CPS1: variants seen among roughly 807,000 people sequenced by gnomAD.
CPS1 encodes carbamoyl-phosphate synthase 1.
In CPS1, 109 loss-of-function variants were observed where a neutral mutation model predicts 174.6. The observed-to-expected ratio is 0.62, with a 90% CI of 0.53 to 0.73. CPS1 has a LOEUF of 0.73. CPS1 is among the 30% of genes least tolerant of loss of function. The pLI, the probability that CPS1 is intolerant of heterozygous loss-of-function variation, is 0.00. For synonymous variants in CPS1, 637 were observed against 632.0 expected, an observed-to-expected ratio of 1.01 and a Z score of -0.12; for missense variants, 1,689 against 1,821.9, an observed-to-expected ratio of 0.93 and a Z score of 1.33.
chr2:210,552,701 G>A (rs1437348208), upstream of CPS1, among the ~76,000 whole-genome samples: 1 of 151,760 alleles, frequency 6.6e-6, no homozygotes, highest in African/African-American at 2.4e-5. Flanking sequence ...AGAGTGGACT[G>A]TTTGAGAAGT....
intron 21 of CPS1, among the ~76,000 whole-genome samples, chr2:210,624,631 A>G (rs940186707): frequency 6.6e-6 from 1 of 152,140 alleles, no homozygotes; most frequent in Non-Finnish European, 1.5e-5. Context: ...ACTAATTTTT[A>G]AAGTAATAAT....
intron 33 of CPS1, among the ~76,000 whole-genome samples, chr2:210,665,674 C>A (rs1574661538): frequency 6.6e-6 from 1 of 151,604 alleles, no homozygotes; most frequent in Admixed American, 6.6e-5. Context: ...TTTATGGCTG[C>A]ATAGTATTCC....
intron 34 of CPS1, chr2:210,672,621 C>T (rs184121494): frequency 9.0e-4 from 137 of 152,292 alleles, no homozygotes; most frequent in African/African-American, 3.0e-3. Flanking sequence ...CCTGATGTCA[C>T]TAAGAGTTAT....
In CPS1 at chr2:210,485,024, C is replaced by T. The variant is rs187988711; in HGVS notation, c.3+7258C>T. ...TGGGCAGATCATGAGGTCAGGAGAT[C>T]GAGACCATCCTGGCTAACATGGTGA... is the stretch of plus-strand genomic sequence containing the variant. On this transcript the variant is annotated intron_variant, in intron 1 of 38. Transcript: ENST00000430249. 1.4e-3 allele frequency among the ~76,000 whole-genome samples: 212 copies of T among 151,590 alleles called. 1 individual carries two copies. Among genetic ancestry groups the T allele is most frequent in the African/African-American group, 4.9e-3 (202 of 41,314 alleles).
At chr2:210,528,931 A>G (rs1409775063) in intron 1 of CPS1, among the ~76,000 whole-genome samples, 1 of 151,168 alleles carries the variant, frequency 6.6e-6, no homozygotes, top group African/African-American at 2.4e-5. Flanking sequence ...CTTTTACAGC[A>G]TGAGTTATTG....
intron 21 of CPS1, among the ~76,000 whole-genome samples, chr2:210,627,363 T>C (rs1433653512): frequency 1.3e-5 from 2 of 152,234 alleles, no homozygotes; most frequent in East Asian, 3.8e-4. Flanking sequence ...AGGTATCTTT[T>C]CTTTAAAGTA....
intron 1 of CPS1, among the ~76,000 whole-genome samples, chr2:210,529,755 A>T (rs1045407544): frequency 6.6e-6 from 1 of 151,996 alleles, no homozygotes; most frequent in African/African-American, 2.4e-5. Context: ...CTTATTGTGG[A>T]GATGGATGAG....
chr2:210,668,092 G>A (rs545046913), intron 33 of CPS1, 94 bp from the exon 34 acceptor site: 1 of 753,556 alleles, frequency 1.3e-6, no homozygotes, highest in Non-Finnish European at 2.3e-6. Flanking sequence ...GTGTGTGTGT[G>A]TGTGTGTGTG....
intron 20 of CPS1, among the ~76,000 whole-genome samples, chr2:210,614,912 A>C (rs1328031380): frequency 6.6e-6 from 1 of 151,898 alleles, no homozygotes; most frequent in Non-Finnish European, 1.5e-5. Context: ...GATGCATAGC[A>C]CTAGGAGAAA....
chr2:210,569,129 G>A (rs1697397285), intron 1 of CPS1, among the ~76,000 whole-genome samples: 1 of 152,078 alleles, frequency 6.6e-6, no homozygotes, highest in African/African-American at 2.4e-5. Context: ...GGCTGGAGGT[G>A]CACTAGTGCA....
At position 210,621,973 on chromosome 2, in the gene CPS1, G is replaced by A. The variant is rs535753989; in HGVS notation, c.2687+5432G>A. Among the ~76,000 whole-genome samples the A allele has an allele frequency of 9.9e-5, 15 of 152,010 alleles. No homozygotes were observed. The South Asian group carries it at 3.1e-3, about 32-fold the overall frequency. On this transcript the variant is annotated intron_variant, in intron 21 of 37. Transcript: ENST00000233072. ...GTCCTAATTTTATTGATAGTAAACT[G>A]AGGCACTGAGAGATTCAGCAGTTTC...
chr2:210,508,695 G>T (rs1217742248), intron 1 of CPS1, among the ~76,000 whole-genome samples: 2 of 152,132 alleles, frequency 1.3e-5, no homozygotes, highest in East Asian at 3.8e-4. Context: ...TGATAAAGGG[G>T]ATATCACCAC....
chr2:210,665,481 C>G (rs199797461), intron 33 of CPS1, among the ~76,000 whole-genome samples: 1 of 141,098 alleles, frequency 7.1e-6, no homozygotes, highest in East Asian at 2.1e-4. Context: ...CCCCCTCCCC[C>G]CACTCCACAA....
intron 16 of CPS1, 138 bp downstream of exon 16, chr2:210,602,468 C>T: frequency 9.2e-7 from 1 of 1,092,630 alleles, no homozygotes; most frequent in Non-Finnish European, 1.4e-6. Context: ...AAGCGTATTC[C>T]AAAAGATGAC....
rs770788292 is a variant in CPS1, at chr2:210,608,424, C to T, written c.2256C>T (p.Asn752=). The stretch of plus-strand genomic sequence containing the variant: ...GAATCCCACTTCCAGAAATTAAGAA[C>T]GTCGTATCCGGGAAGACATCAGCCT... ...ALGIPLPEIK[N]VVSGKTSACF... is the part of the protein sequence containing the mutation. Residue 752 remains asparagine (N), a synonymous_variant, in exon 19 of 38, where the codon AAC becomes AAT. Transcript: ENST00000233072. 15 of 1,612,272 alleles carry T rather than the reference C, an allele frequency of 9.3e-6. No homozygotes were observed. The highest frequency in any genetic ancestry group is 4.0e-5 in the African/African-American group (3 of 74,756).
intron 33 of CPS1, among the ~76,000 whole-genome samples, chr2:210,663,768 G>A (rs1701000343): frequency 6.6e-6 from 1 of 152,056 alleles, no homozygotes. Context: ...CTTTAGGATT[G>A]TGAAATGTGT....
intron 21 of CPS1, among the ~76,000 whole-genome samples, chr2:210,631,644 A>G (rs1402987870): frequency 1.3e-5 from 2 of 152,220 alleles, no homozygotes; most frequent in Non-Finnish European, 2.9e-5. Flanking sequence ...TGAAAAGGCC[A>G]GCATCACAGC....
At chr2:210,566,235 A>G (rs993635684) in intron 1 of CPS1, among the ~76,000 whole-genome samples, 1 of 152,146 alleles carries the variant, frequency 6.6e-6, no homozygotes, top group East Asian at 1.9e-4. Flanking sequence ...ATAATTATCT[A>G]TGTTATCTAG....
intron 6 of CPS1, among the ~76,000 whole-genome samples, chr2:210,585,382 CTG>C (rs1159865564): frequency 3.3e-5 from 5 of 151,916 alleles, no homozygotes; most frequent in Non-Finnish European, 4.4e-5. Flanking sequence ...TTACTAATAA[CTG>C]TAAGTCTTAT....
Sources: allele counts gnomAD v4.1 joint callset (sites outside exome capture counted in the v4.1 genomes callset), GRCh38; gene constraint gnomAD v4.1.1; transcripts MANE v1.5; gene names NCBI Gene and HGNC (gene_info 2026-07-23, HGNC 2026-07-21).